CSMD1: variants seen among roughly 807,000 people sequenced by gnomAD.
The protein encoded by CSMD1 is CUB and Sushi multiple domains 1.
A neutral mutation model predicts 417.5 loss-of-function variants in CSMD1; 213 were observed. That is an observed-to-expected ratio of 0.51 (90% confidence interval 0.46 to 0.57). The LOEUF is 0.57. Ranked by LOEUF, CSMD1 falls within the 20% of genes least tolerant of loss-of-function variation. The pLI is 0.00. For synonymous variants in CSMD1, 2,862 were observed against 1,736.8 expected (o/e 1.65, Z -16.11); for missense variants, 6,923 against 4,529.7 (o/e 1.53, Z -15.17).
At chr8:3,491,868 G>A (rs1402402816) in intron 11 of CSMD1, among the ~76,000 whole-genome samples, 2 of 152,178 alleles carry the variant, frequency 1.3e-5, no homozygotes, top group Non-Finnish European at 2.9e-5. Context: ...CGAGTCCAGC[G>A]GAGACAAAGG....
chr8:3,402,140 C>T (rs1812075294), intron 15 of CSMD1, among the ~76,000 whole-genome samples: 2 of 152,098 alleles, frequency 1.3e-5, no homozygotes, highest in Non-Finnish European at 2.9e-5. Flanking sequence ...ATGAAGGATG[C>T]AGCCTGTCTT....
At chr8:4,401,927 C>T (rs1190050338) in intron 3 of CSMD1, among the ~76,000 whole-genome samples, 1 of 151,980 alleles carries the variant, frequency 6.6e-6, no homozygotes. Flanking sequence ...TGAAGCCATC[C>T]ATCCCACCCT....
intron 3 of CSMD1, among the ~76,000 whole-genome samples, chr8:4,146,215 A>C (rs1168749125): frequency 1.3e-5 from 2 of 151,036 alleles, no homozygotes; most frequent in Non-Finnish European, 2.9e-5. Flanking sequence ...TATCGTTTGG[A>C]AACATGAACT....
rs187509564 is a variant in CSMD1 at position 4,549,300 on chromosome 8, C to T, written c.302+88042G>A. On this transcript the variant is annotated intron_variant, in intron 2 of 69. Coordinates refer to ENST00000635120, the MANE Select transcript of CSMD1 (RefSeq NM_033225.6). ...CCAAACACCCAGGTGACTTGGAATG[C>T]GAGGGGAAGGAAAAGGGTAAAAGAA... Among the ~76,000 whole-genome samples the T allele has an allele frequency of 3.1e-3, 465 of 151,926 alleles. 1 individual carries two copies. The highest frequency in any genetic ancestry group is 7.2e-3 in the Admixed American group (109 of 15,242).
chr8:4,148,966 CTTTTT>C (rs33925411), intron 3 of CSMD1, among the ~76,000 whole-genome samples: 4 of 145,724 alleles, frequency 2.7e-5, no homozygotes, highest in African/African-American at 1.0e-4. Flanking sequence ...TTCATATTAA[CTTTTT>C]TTTTTTTTTG....
At chr8:3,392,910 T>C (rs1811434261) in intron 17 of CSMD1, among the ~76,000 whole-genome samples, 1 of 152,032 alleles carries the variant, frequency 6.6e-6, no homozygotes, top group African/African-American at 2.4e-5. Flanking sequence ...TTGGTTTTAT[T>C]TTAAACCCCG....
At chr8:4,329,815 G>C (rs1032278063) in intron 3 of CSMD1, among the ~76,000 whole-genome samples, 5 of 151,090 alleles carry the variant, frequency 3.3e-5, no homozygotes, top group Non-Finnish European at 5.9e-5. Context: ...CATGAGATGT[G>C]GTCAATTAAA....
rs55757538 is a variant in CSMD1 at position 3,485,538 on chromosome 8, C to CAGAGAGAG, written c.1448+8077_1448+8084dup. The stretch of plus-strand genomic sequence containing the variant: ...AACTTCATAACAATACACACACACA[C>CAGAGAGAG]AGAGAGAGAGAGAGAGAGAGAGAGA... On this transcript the variant is annotated intron_variant, in intron 11 of 69. Transcript: ENST00000635120. Among the ~76,000 whole-genome samples, 1,221 of 134,984 alleles carry CAGAGAGAG rather than the reference C, an allele frequency of 9.0e-3. 15 individuals are homozygous for CAGAGAGAG. The highest frequency in any genetic ancestry group is 0.033 in the African/African-American group (1,110 of 33,982). The allele number at this position is 134,984 out of a possible 152,430, so 88.6% of individuals were successfully genotyped here.
chr8:4,189,338 T>G (rs1050218811), intron 3 of CSMD1, among the ~76,000 whole-genome samples: 7 of 152,340 alleles, frequency 4.6e-5, no homozygotes, highest in Non-Finnish European at 8.8e-5. Context: ...CAACTGTGTT[T>G]ATTAGGAATA....
intron 1 of CSMD1, among the ~76,000 whole-genome samples, chr8:4,952,015 A>G (rs538011293): frequency 2.6e-5 from 4 of 151,258 alleles, no homozygotes; most frequent in Non-Finnish European, 5.9e-5. Context: ...AATTATATAT[A>G]TAATATAGAA....
chr8:4,414,574 C>T (rs976158033), intron 3 of CSMD1, among the ~76,000 whole-genome samples: 2 of 152,004 alleles, frequency 1.3e-5, no homozygotes, highest in African/African-American at 2.4e-5. Flanking sequence ...CATATAATCT[C>T]TTTATCTTTA....
chr8:3,320,431 A>C (rs1806075303), intron 23 of CSMD1, among the ~76,000 whole-genome samples: 1 of 152,186 alleles, frequency 6.6e-6, no homozygotes, highest in South Asian at 2.1e-4. Context: ...AAAACACGAT[A>C]AGCTCCTCGT....
At chr8:3,165,595 C>G (rs1455238139) in intron 37 of CSMD1, among the ~76,000 whole-genome samples, 1 of 151,926 alleles carries the variant, frequency 6.6e-6, no homozygotes, top group East Asian at 1.9e-4. Flanking sequence ...CCACGCCCGG[C>G]TAATTTTTTT....
intron 1 of CSMD1, among the ~76,000 whole-genome samples, chr8:4,733,543 C>T (rs751779228): frequency 4.6e-5 from 7 of 152,170 alleles, no homozygotes; most frequent in Admixed American, 6.5e-5. Flanking sequence ...TAGTGCATTG[C>T]CCATTTAAAC....
intron 1 of CSMD1, among the ~76,000 whole-genome samples, chr8:4,808,845 A>G (rs192827117): frequency 2.6e-5 from 4 of 152,236 alleles, no homozygotes; most frequent in Non-Finnish European, 5.9e-5. Flanking sequence ...TTTAAAAGTT[A>G]TCTCTCCATG....
chr8:3,394,391 G>T (rs1203165438), intron 17 of CSMD1, among the ~76,000 whole-genome samples: 1 of 151,412 alleles, frequency 6.6e-6, no homozygotes, highest in Non-Finnish European at 1.5e-5. Context: ...ATAAGAAGAA[G>T]ACATTTATTT....
chr8:3,308,507 C>A lies in CSMD1; in HGVS notation c.3632-4G>T, dbSNP rs375126893. 5.6e-6 allele frequency: 9 copies of A among 1,606,050 alleles called. No individual in the cohort carries two copies. The highest frequency in any genetic ancestry group is 7.7e-6 in the Non-Finnish European group (9 of 1,174,194). On this transcript the variant is annotated splice_region_variant and splice_polypyrimidine_tract_variant and intron_variant, in intron 23 of 69. Coordinates refer to ENST00000635120, the MANE Select transcript of CSMD1 (RefSeq NM_033225.6). ...TCACATTTTACCAGATCAAAACCTG[C>A]AAGAGAGAAAGGCAAGGAATGAACA...
At chr8:3,045,157 G>T (rs1251913767) in intron 50 of CSMD1, among the ~76,000 whole-genome samples, 1 of 152,178 alleles carries the variant, frequency 6.6e-6, no homozygotes, top group African/African-American at 2.4e-5. Context: ...ATGATGCTTA[G>T]AAAATGTTAA....
intron 10 of CSMD1, among the ~76,000 whole-genome samples, chr8:3,568,762 T>C (rs1352751268): frequency 6.6e-6 from 1 of 152,080 alleles, no homozygotes. Flanking sequence ...CATGCATACA[T>C]TTATACCTAA....
Sources: allele counts gnomAD v4.1 joint callset (sites outside exome capture counted in the v4.1 genomes callset), GRCh38; gene constraint gnomAD v4.1.1; transcripts MANE v1.5; gene names NCBI Gene and HGNC (gene_info 2026-07-23, HGNC 2026-07-21).